The following NEXN variants were observed in gnomAD, a reference collection of about 807,000 sequenced individuals.
The protein encoded by NEXN is nexilin F-actin binding protein, also known as nexilin.
Under a neutral mutation model 92.6 loss-of-function variants are expected in NEXN, and 65 were observed. The observed-to-expected ratio is 0.70, with a 90% CI of 0.57 to 0.86. The LOEUF is 0.86. Ranked by LOEUF, NEXN falls within the 40% of genes least tolerant of loss-of-function variation. The pLI is 0.00. For synonymous variants in NEXN, 254 were observed against 242.5 expected (o/e 1.05, Z -0.44); for missense variants, 778 against 771.1 (o/e 1.01, Z -0.11).
chr1:77,919,269 T>C (rs759801672), intron 5 of NEXN, among the ~76,000 whole-genome samples: 4 of 152,144 alleles, frequency 2.6e-5, no homozygotes, highest in Non-Finnish European at 5.9e-5. Flanking sequence ...GTGGGAATTA[T>C]GGGAGTACAA....
At chr1:77,934,567 C>A (rs1031764179) in intron 10 of NEXN, among the ~76,000 whole-genome samples, 13 of 152,254 alleles carry the variant, frequency 8.5e-5, no homozygotes, top group Non-Finnish European at 1.8e-4. Flanking sequence ...CGCTGTCTTT[C>A]CTGCCTCCCT....
intron 5 of NEXN, among the ~76,000 whole-genome samples, chr1:77,922,284 C>T (rs914927962): frequency 1.2e-4 from 18 of 151,448 alleles, no homozygotes; most frequent in Admixed American, 4.6e-4. Context: ...GGACTACAGG[C>T]GCCCGCCACC....
In NEXN at chr1:77,893,705, G is replaced by C. The variant is rs571346653; in HGVS notation, c.-53+4946G>C. Among the ~76,000 whole-genome samples, 3 of 152,246 alleles carry C rather than the reference G, an allele frequency of 2.0e-5. No homozygotes were observed. In the East Asian group the frequency reaches 5.8e-4, roughly 29 times the overall value. ...ATAGAGCAGTTCTTACCTTTCAGGG[G>C]CTCATAGTTTGGTGGATATACTTCG... On this transcript the variant is annotated intron_variant, in intron 1 of 12. Transcript: ENST00000334785.
chr1:77,929,218 C>T, intron 8 of NEXN, 98 bp from the exon 9 acceptor site: 1 of 811,962 alleles, frequency 1.2e-6, no homozygotes, highest in South Asian at 1.5e-5. Context: ...CATTGAAACT[C>T]CTGTGTGATA....
chr1:77,897,551 T>C (rs1394540445), intron 1 of NEXN, among the ~76,000 whole-genome samples: 2 of 152,074 alleles, frequency 1.3e-5, no homozygotes, highest in African/African-American at 4.8e-5. Flanking sequence ...ACAGCCAATA[T>C]CATACTGAAT....
Position 77,934,918 on chromosome 1 carries a change from A to C in NEXN, c.1252-905A>C, listed in dbSNP as rs1299236416. Reference sequence around the variant, plus strand: ...TTAAGAGTGATGTTTACTTTGTAAGACTACCATAAAATCAAAAGTAGGAAA... The same window carrying C: ...TTAAGAGTGATGTTTACTTTGTAAGCCTACCATAAAATCAAAAGTAGGAAA... On this transcript the variant is annotated intron_variant, in intron 10 of 12. Coordinates refer to ENST00000334785, the MANE Select transcript of NEXN (RefSeq NM_144573.4). 3.9e-5 allele frequency among the ~76,000 whole-genome samples: 6 copies of C among 152,354 alleles called. No individual in the cohort carries two copies. In the East Asian group the frequency reaches 9.6e-4, roughly 24 times the overall value.
intron 9 of NEXN, 71 bp from the exon 10 acceptor site, chr1:77,933,211 T>G (rs1427555777): frequency 9.9e-7 from 1 of 1,009,598 alleles, no homozygotes; most frequent in Non-Finnish European, 1.5e-6. Flanking sequence ...AAATCCCAGT[T>G]TCTTCAAGAA....
intron 8 of NEXN, among the ~76,000 whole-genome samples, chr1:77,927,936 T>C (rs1166700): frequency 0.81 from 122,476 of 151,898 alleles, 49,593 homozygotes; most frequent in Middle Eastern, 0.87. Context: ...AAAATGTTAA[T>C]TATTACTATG....
At chr1:77,888,964 G>C (rs982172986) in intron 1 of NEXN, 7 of 152,952 alleles carry the variant, frequency 4.6e-5, no homozygotes, top group African/African-American at 1.7e-4. Flanking sequence ...ACCCTGCCTT[G>C]GAGCCGCATC....
chr1:77,909,229 T>G (rs1648374239), intron 1 of NEXN, among the ~76,000 whole-genome samples: 1 of 152,156 alleles, frequency 6.6e-6, no homozygotes, highest in Non-Finnish European at 1.5e-5. Flanking sequence ...AAGACCAGCC[T>G]AATCAACATG....
rs764546680 is a variant in NEXN, at chr1:77,935,927, T to C, written c.1356T>C (p.Phe452=). Residue 452 remains phenylalanine, a synonymous_variant, in exon 11 of 13, where the codon TTT becomes TTC. Coordinates refer to ENST00000334785, the MANE Select transcript of NEXN (RefSeq NM_144573.4). ...SIQAKNLKSK[F]EKIGQLSEKE... is the part of the protein sequence containing the mutation. ...AAGCTAAAAACCTAAAAAGCAAGTT[T>C]GAAAAAATTGGACAGTTGTCTGAAA... The C allele has an allele frequency of 1.2e-6, 2 of 1,613,802 alleles. No homozygotes were observed. The highest frequency in any genetic ancestry group is 1.7e-6 in the Non-Finnish European group (2 of 1,179,930).
intron 5 of NEXN, among the ~76,000 whole-genome samples, chr1:77,919,945 G>T (rs1319871641): frequency 6.6e-6 from 1 of 151,414 alleles, no homozygotes; most frequent in African/African-American, 2.4e-5. Flanking sequence ...TGTCACCCAG[G>T]CTGGAGTGCA....
chr1:77,925,155 G>A (rs771348249), intron 5 of NEXN, 33 bp from the exon 6 acceptor site: 6 of 1,437,852 alleles, frequency 4.2e-6, no homozygotes, highest in South Asian at 1.2e-5. Flanking sequence ...GAAATCTGAT[G>A]TAATGTAATG....
At chr1:77,893,707 T>C (rs1313528071) in intron 1 of NEXN, among the ~76,000 whole-genome samples, 1 of 152,176 alleles carries the variant, frequency 6.6e-6, no homozygotes, top group African/African-American at 2.4e-5. Flanking sequence ...TTTCAGGGGC[T>C]CATAGTTTGG....
At chr1:77,922,186 C>G (rs1649478102) in intron 5 of NEXN, among the ~76,000 whole-genome samples, 1 of 143,864 alleles carries the variant, frequency 7.0e-6, no homozygotes. Context: ...GTCACCCAGG[C>G]TGGAGTGCAG....
rs756902771 is a variant in NEXN, at chr1:77,918,010, A to G, written c.270A>G (p.Val90=). The change falls in exon 4 of 13, where the codon GTA becomes GTG. Residue 90 remains valine (V), a synonymous_variant. Transcript: ENST00000334785. Reference sequence around the variant, plus strand: ...ATGAGGAAGATGTATCTTCTAAAGTAGAAAAGGCTTATGTTCCAAAATTAA... The same window carrying G: ...ATGAGGAAGATGTATCTTCTAAAGTGGAAAAGGCTTATGTTCCAAAATTAA... ...SDDEEDVSSK[V]EKAYVPKLTG... is the part of the protein sequence containing the mutation. The G allele has an allele frequency of 5.6e-6, 9 of 1,613,548 alleles. No homozygotes were observed. The African/African-American group carries it at 1.2e-4, about 22-fold the overall frequency.
chr1:77,942,185 G>A lies in NEXN; in HGVS notation c.1636G>A (p.Glu546Lys). 2 of 1,613,732 alleles carry A rather than the reference G, an allele frequency of 1.2e-6. No homozygotes were observed. The highest frequency in any genetic ancestry group is 1.1e-5 in the South Asian group (1 of 91,054). Residue 546 changes from glutamate to lysine, a missense_variant, in exon 12 of 13, where the codon GAA (glutamate) becomes AAA (lysine). Around this residue, in one of 3 missense-constraint regions of NEXN, gnomAD observed 532 missense variants for 476.7 expected, o/e 1.12. Coordinates refer to ENST00000334785, the MANE Select transcript of NEXN (RefSeq NM_144573.4). ...KLLRMQFEQR[E>K]IDAALQKKRE... ...ACTACGCATGCAGTTTGAACAAAGG[G>A]AAATTGATGCAGCACTACAAAAGGT...
chr1:77,941,520 C>T (rs1392866017), intron 11 of NEXN, among the ~76,000 whole-genome samples: 1 of 152,024 alleles, frequency 6.6e-6, no homozygotes, highest in African/African-American at 2.4e-5. Flanking sequence ...ACCTGTTTTT[C>T]TACTTGTAAA....
At chr1:77,897,438 G>A (rs1647322877) in intron 1 of NEXN, among the ~76,000 whole-genome samples, 1 of 152,142 alleles carries the variant, frequency 6.6e-6, no homozygotes, top group Non-Finnish European at 1.5e-5. Context: ...ATGCAGAAAA[G>A]GCCTTTGACA....
Sources: allele counts gnomAD v4.1 joint callset (sites outside exome capture counted in the v4.1 genomes callset), GRCh38; gene constraint gnomAD v4.1.1; regional missense constraint gnomAD v4.1.1; transcripts MANE v1.5; gene names NCBI Gene and HGNC (gene_info 2026-07-23, HGNC 2026-07-21).